The following GREB1L variants were observed in gnomAD, a reference collection of about 807,000 sequenced individuals.
GREB1L encodes GREB1 like retinoic acid receptor coactivator, also known as GREB1-like protein.
Under a neutral mutation model 200.8 loss-of-function variants are expected in GREB1L, and 17 were observed. The ratio of observed to expected loss-of-function variants is 0.08; its 90% CI spans 0.06 to 0.13. GREB1L has a LOEUF of 0.13. Ranked by LOEUF, GREB1L falls within the 10% of genes least tolerant of loss-of-function variation. GREB1L has a pLI of 1.00. For missense variants in GREB1L, 1,657 were observed against 2,367.7 expected (o/e 0.70, Z 6.23); for synonymous variants, 789 against 893.0 (o/e 0.88, Z 2.08).
At chr18:21,510,682 A>G (rs576273303) in intron 27 of GREB1L, among the ~76,000 whole-genome samples, 1 of 152,176 alleles carries the variant, frequency 6.6e-6, no homozygotes, top group South Asian at 2.1e-4. Flanking sequence ...CCCTTATTTC[A>G]ACTCTTCTGG....
chr18:21,438,133 G>A (rs1465035810), intron 7 of GREB1L, among the ~76,000 whole-genome samples: 1 of 152,050 alleles, frequency 6.6e-6, no homozygotes, highest in East Asian at 1.9e-4. Context: ...AATTAGCCAG[G>A]TATGGTGATA....
rs1351390506 is a variant in GREB1L, at chr18:21,477,289, C to T, written c.2489C>T (p.Thr830Ile). 11 of 1,551,734 alleles carry T rather than the reference C, an allele frequency of 7.1e-6. No individual in the cohort carries two copies. The highest frequency in any genetic ancestry group is 1.2e-5 in the South Asian group (1 of 84,054). ...LVLQVSSFPYTLQTQQSRISS... is the reference protein window; with the variant it reads ...LVLQVSSFPYILQTQQSRISS... ...CTCCAGGTCAGCTCCTTCCCATACA[C>T]TCTGCAGACCCAACAGTCCCGCATT... Residue 830 changes from threonine to isoleucine, a missense_variant, in exon 17 of 33, where the codon ACT becomes ATT. Thr to Ile is a moderately conservative substitution (Grantham distance 89, BLOSUM62 -1). Transcript: ENST00000424526.
intron 7 of GREB1L, among the ~76,000 whole-genome samples, chr18:21,406,875 CTT>C (rs369137235): frequency 1.3e-4 from 17 of 131,928 alleles, no homozygotes; most frequent in Admixed American, 2.4e-4. Flanking sequence ...CATTTTCTTC[CTT>C]TTTTTTTTTT....
At chr18:21,276,990 GC>G (rs1261620728) in intron 1 of GREB1L, among the ~76,000 whole-genome samples, 7 of 141,550 alleles carry the variant, frequency 4.9e-5, no homozygotes, top group Non-Finnish European at 1.0e-4. Context: ...GTGCAGTGGT[GC>G]GATCTTGGCT....
At chr18:21,397,500 G>T (rs1405034044) in intron 5 of GREB1L, among the ~76,000 whole-genome samples, 2 of 149,190 alleles carry the variant, frequency 1.3e-5, no homozygotes, top group Non-Finnish European at 3.0e-5. Flanking sequence ...ACTCCAGCCT[G>T]GGGGACAGAG....
At chr18:21,335,190 A>G (rs540338569) in intron 1 of GREB1L, among the ~76,000 whole-genome samples, 1 of 152,352 alleles carries the variant, frequency 6.6e-6, no homozygotes, top group East Asian at 1.9e-4. Flanking sequence ...TTATGGGAAA[A>G]GAGGAGACGG....
At chr18:21,290,678 A>G (rs2038433491) in intron 1 of GREB1L, among the ~76,000 whole-genome samples, 1 of 152,024 alleles carries the variant, frequency 6.6e-6, no homozygotes, top group Non-Finnish European at 1.5e-5. Flanking sequence ...ACAAAAGTTG[A>G]CTGGGTGTGG....
intron 1 of GREB1L, among the ~76,000 whole-genome samples, chr18:21,362,093 AC>A (rs1310238689): frequency 6.6e-6 from 1 of 152,156 alleles, no homozygotes; most frequent in Non-Finnish European, 1.5e-5. Flanking sequence ...ATATGATTTT[AC>A]ATACTCATTT....
intron 1 of GREB1L, among the ~76,000 whole-genome samples, chr18:21,302,576 C>T (rs2038634781): frequency 6.6e-6 from 1 of 152,156 alleles, no homozygotes; most frequent in South Asian, 2.1e-4. Flanking sequence ...TACTGTACTG[C>T]CTCAGGCACA....
chr18:21,306,702 T>C (rs1417835618), intron 1 of GREB1L, among the ~76,000 whole-genome samples: 1 of 152,262 alleles, frequency 6.6e-6, no homozygotes, highest in Non-Finnish European at 1.5e-5. Context: ...GCAAAGCTTC[T>C]GAATATATAA....
At chr18:21,279,243 T>C (rs1214343579) in intron 1 of GREB1L, among the ~76,000 whole-genome samples, 1 of 152,094 alleles carries the variant, frequency 6.6e-6, no homozygotes, top group African/African-American at 2.4e-5. Context: ...TAATTGTAAT[T>C]ATATATGTAA....
At chr18:21,354,466 T>C (rs891354033) in intron 1 of GREB1L, among the ~76,000 whole-genome samples, 3 of 152,160 alleles carry the variant, frequency 2.0e-5, no homozygotes, top group African/African-American at 7.2e-5. Flanking sequence ...GTGCCTCTTA[T>C]GTTGGTGGGT....
At position 21,477,229 on chromosome 18, in the gene GREB1L, G is replaced by C. The variant is rs1228463214; in HGVS notation, c.2429G>C (p.Cys810Ser). The C allele has an allele frequency of 1.9e-6, 3 of 1,551,862 alleles. No individual in the cohort carries two copies. Among genetic ancestry groups the C allele is most frequent in the Non-Finnish European group, 2.6e-6 (3 of 1,147,028 alleles). The change falls in exon 17 of 33, where the codon TGC (cysteine) becomes TCC (serine). Residue 810 changes from cysteine to serine, a missense_variant. Cys to Ser is a moderately radical substitution (Grantham distance 112). This residue lies in a region of GREB1L where 239 missense variants were observed against 421.8 expected (regional missense o/e 0.57). Transcript: ENST00000424526. Reference protein sequence around the residue: ...SHGLADRVINCREVLEAFNLL... With the variant: ...SHGLADRVINSREVLEAFNLL... Reference sequence around the variant, plus strand: ...GGGCTAGCTGATAGAGTCATTAATTGCAGAGAAGTTCTGGAAGCTTTCAAC... The same window carrying C: ...GGGCTAGCTGATAGAGTCATTAATTCCAGAGAAGTTCTGGAAGCTTTCAAC...
chr18:21,304,980 A>G (rs2038677270), intron 1 of GREB1L, among the ~76,000 whole-genome samples: 1 of 149,992 alleles, frequency 6.7e-6, no homozygotes, highest in Admixed American at 6.6e-5. Context: ...TCCTGTGTTA[A>G]TCTTTTTTTT....
chr18:21,397,801 T>TG (rs2041148449), intron 5 of GREB1L, among the ~76,000 whole-genome samples: 1 of 152,202 alleles, frequency 6.6e-6, no homozygotes, highest in South Asian at 2.1e-4. Flanking sequence ...AAATTAGCAG[T>TG]GAAGATCCAA....
At chr18:21,263,516 A>G (rs1327952877) in intron 1 of GREB1L, among the ~76,000 whole-genome samples, 1 of 152,148 alleles carries the variant, frequency 6.6e-6, no homozygotes, top group Non-Finnish European at 1.5e-5. Context: ...ATAAATCTTT[A>G]TATAGAATCT....
In GREB1L at chr18:21,485,478, G is replaced by A. The variant is rs758939600; in HGVS notation, c.2557-142G>A. 4.6e-6 allele frequency: 3 copies of A among 646,002 alleles called. No homozygotes were observed. The South Asian group carries it at 8.2e-5, about 18-fold the overall frequency. The allele number at this position is 646,002 out of a possible 1,614,324, so 40.0% of individuals were successfully genotyped here. ...AGAGATGACTGCAGAGTTGGTGTCG[G>A]GTTACATAATGAAACAGTATTTTTT... On this transcript the variant is annotated intron_variant, in intron 17 of 32. Coordinates refer to ENST00000424526, the MANE Select transcript of GREB1L (RefSeq NM_001142966.3).
intron 2 of GREB1L, chr18:21,380,809 A>G (rs1396339848): frequency 1.3e-5 from 2 of 152,226 alleles, no homozygotes; most frequent in African/African-American, 2.4e-5. Flanking sequence ...TTATACTGTT[A>G]AAGATTATTG....
intron 18 of GREB1L, among the ~76,000 whole-genome samples, chr18:21,486,331 G>A (rs1262230916): frequency 6.6e-6 from 1 of 150,774 alleles, no homozygotes; most frequent in African/African-American, 2.4e-5. Context: ...TCCAGCCTGG[G>A]TGACAGAGCG....
Sources: allele counts gnomAD v4.1 joint callset (sites outside exome capture counted in the v4.1 genomes callset), GRCh38; gene constraint gnomAD v4.1.1; regional missense constraint gnomAD v4.1.1; transcripts MANE v1.5; gene names NCBI Gene and HGNC (gene_info 2026-07-23, HGNC 2026-07-21).